Variants in TRIO observed in about 807,000 individuals in gnomAD.
TRIO encodes the protein trio Rho guanine nucleotide exchange factor, also known as triple functional domain protein.
A neutral mutation model predicts 351.9 loss-of-function variants in TRIO; 58 were observed. The observed-to-expected ratio is 0.16, with a 90% CI of 0.13 to 0.21. TRIO has a LOEUF of 0.21. Among genes scored for constraint, TRIO ranks in the 10% least tolerant of loss-of-function variants. TRIO has a pLI of 1.00. For synonymous variants in TRIO, 1,758 were observed against 1,595.7 expected (o/e 1.10, Z -2.42); for missense variants, 3,201 against 4,027.8 (o/e 0.79, Z 5.56).
Position 14,379,258 on chromosome 5 carries a change from T to C in TRIO, c.3447+1131T>C, listed in dbSNP as rs936698870. ...CACGGACCCATTTTCTGAATCCAGC[T>C]TGCAACCTCATATGCAGCTGATCCA... On this transcript the variant is annotated intron_variant, in intron 20 of 56. Coordinates refer to ENST00000344204, the MANE Select transcript of TRIO (RefSeq NM_007118.4). 4.6e-5 allele frequency among the ~76,000 whole-genome samples: 7 copies of C among 152,354 alleles called. No individual in the cohort carries two copies. In the South Asian group the frequency reaches 1.4e-3, roughly 32 times the overall value.
Position 14,497,912 on chromosome 5 carries a change from T to A in TRIO, c.8047+38T>A. On this transcript the variant is annotated intron_variant, in intron 51 of 56. Coordinates refer to ENST00000344204, the MANE Select transcript of TRIO (RefSeq NM_007118.4). The surrounding 1 kb of genome is among the most constrained non-coding windows in gnomAD (Gnocchi z 4.4). ...CTTTTTCTTCTAGTCCTAGAGATGA[T>A]TCTAGACCTGTGGGGCATGTTTCAG... 1 of 1,613,986 alleles carries A rather than the reference T, an allele frequency of 6.2e-7. No homozygotes were observed. The highest frequency in any genetic ancestry group is 2.2e-5 in the East Asian group (1 of 44,886).
At chr5:14,316,813 T>G in intron 9 of TRIO, 70 bp downstream of exon 9, 1 of 1,454,612 alleles carries the variant, frequency 6.9e-7, no homozygotes, top group African/African-American at 1.4e-5. Context: ...TACATCATCA[T>G]ATTGGGAAGA....
At position 14,504,527 on chromosome 5, in the gene TRIO, A is replaced by G; in HGVS notation, c.8546A>G (p.His2849Arg). 1.2e-6 allele frequency: 2 copies of G among 1,613,662 alleles called. No individual in the cohort carries two copies. Among genetic ancestry groups the G allele is most frequent in the Non-Finnish European group, 8.5e-7 (1 of 1,179,918 alleles). Residue 2849 changes from histidine (H) to arginine (R), a missense_variant, in exon 55 of 57, where the codon CAC becomes CGC. This residue lies in a region of TRIO where 1,089 missense variants were observed against 954.9 expected (regional missense o/e 1.14). Transcript: ENST00000344204. ...CTTGGCATCCTGCAGAGCCTCCAGC[A>G]CCCCCTGCTTGTCGGCCTCCTCGAC... ...HELGILQSLQ[H>R]PLLVGLLDTF...
rs146329050 is a variant in TRIO at position 14,366,912 on chromosome 5, C to T, written c.2807C>T (p.Thr936Ile). The T allele has an allele frequency of 6.2e-7, 1 of 1,614,214 alleles. No individual in the cohort carries two copies. The highest frequency in any genetic ancestry group is 1.3e-5 in the African/African-American group (1 of 75,058). ...TCCATGTTAAATGCCGGACTTATCA[C>T]AGCCAGCTCGTTACAAGAGGCAGAG... ...GESMLNAGLI[T>I]ASSLQEAEQL... The change falls in exon 16 of 57, where the codon ACA becomes ATA. Residue 936 changes from threonine (T) to isoleucine (I), a missense_variant. Around this residue, in one of 19 missense-constraint regions of TRIO, gnomAD observed 363 missense variants for 553.5 expected, o/e 0.66. Transcript: ENST00000344204.
At chr5:14,292,118 G>T (rs1272487330) in intron 5 of TRIO, among the ~76,000 whole-genome samples, 4 of 152,332 alleles carry the variant, frequency 2.6e-5, no homozygotes, top group Non-Finnish European at 5.9e-5. Context: ...GGAGCTCATT[G>T]AATTTTATAT....
At position 14,498,503 on chromosome 5, in the gene TRIO, C is replaced by G. The variant is rs768178996; in HGVS notation, c.8211-16C>G. On this transcript the variant is annotated splice_polypyrimidine_tract_variant and intron_variant, in intron 52 of 56. Coordinates refer to ENST00000344204, the MANE Select transcript of TRIO (RefSeq NM_007118.4). ...CAGCTTTTCTGATGCGCAGTGTGTT[C>G]CCATCTGTGCCGCAGTGACCTGGGA... 1 of 1,612,006 alleles carries G rather than the reference C, an allele frequency of 6.2e-7. No individual in the cohort carries two copies. Among genetic ancestry groups the G allele is most frequent in the Admixed American group, 1.7e-5 (1 of 59,928 alleles).
chr5:14,313,006 T>C (rs1312434900), intron 8 of TRIO, among the ~76,000 whole-genome samples: 1 of 152,260 alleles, frequency 6.6e-6, no homozygotes, highest in Non-Finnish European at 1.5e-5. Flanking sequence ...ACTTTTTAAT[T>C]GCCAAATCTA....
chr5:14,199,585 T>G (rs564147541), intron 1 of TRIO, among the ~76,000 whole-genome samples: 1 of 152,246 alleles, frequency 6.6e-6, no homozygotes, highest in Non-Finnish European at 1.5e-5. Flanking sequence ...AGTGGGCTTA[T>G]GGAGAGGATG....
intron 31 of TRIO, among the ~76,000 whole-genome samples, chr5:14,403,973 C>T (rs1463725012): frequency 1.4e-5 from 1 of 69,324 alleles, no homozygotes; most frequent in Admixed American, 1.7e-4. Flanking sequence ...GGTGAGGGTA[C>T]AGGTGGTGAG....
At chr5:14,454,838 T>C (rs999260732) in intron 34 of TRIO, among the ~76,000 whole-genome samples, 2 of 152,210 alleles carry the variant, frequency 1.3e-5, no homozygotes, top group Non-Finnish European at 2.9e-5. Flanking sequence ...TTTTTAAAGA[T>C]GGTGTGTCCG....
At chr5:14,294,287 A>G (rs1737157715) in intron 6 of TRIO, among the ~76,000 whole-genome samples, 1 of 152,212 alleles carries the variant, frequency 6.6e-6, no homozygotes, top group African/African-American at 2.4e-5. Context: ...AGGTGCTACA[A>G]TTTAGGTAGT....
At chr5:14,196,149 G>C (rs1286157775) in intron 1 of TRIO, among the ~76,000 whole-genome samples, 1 of 152,124 alleles carries the variant, frequency 6.6e-6, no homozygotes, top group African/African-American at 2.4e-5. Flanking sequence ...GGCTAGGCAT[G>C]GTGGCTCATG....
intron 9 of TRIO, among the ~76,000 whole-genome samples, chr5:14,318,873 G>A (rs1004165248): frequency 6.6e-6 from 1 of 152,180 alleles, no homozygotes; most frequent in Admixed American, 6.5e-5. Context: ...TTCCCAAGAG[G>A]GGGCCTCATT....
intron 34 of TRIO, among the ~76,000 whole-genome samples, chr5:14,426,781 ACTG>A (rs1410995293): frequency 6.6e-6 from 1 of 152,162 alleles, no homozygotes; most frequent in Non-Finnish European, 1.5e-5. Flanking sequence ...ACATGGCAGA[ACTG>A]CTCAGTGGGA....
chr5:14,357,471 G>C (rs1403562454), intron 11 of TRIO, among the ~76,000 whole-genome samples: 1 of 152,200 alleles, frequency 6.6e-6, no homozygotes, highest in African/African-American at 2.4e-5. Flanking sequence ...CTGGCCCAAA[G>C]TCATTCTTGC....
intron 1 of TRIO, among the ~76,000 whole-genome samples, chr5:14,147,991 TA>T (rs1177761978): frequency 6.6e-6 from 1 of 152,270 alleles, no homozygotes; most frequent in African/African-American, 2.4e-5. Context: ...AGGAGATTTC[TA>T]AAATTCCTGT....
At chr5:14,317,634 C>T (rs354917) in intron 9 of TRIO, among the ~76,000 whole-genome samples, 6,903 of 152,254 alleles carry the variant, frequency 0.045, 553 homozygotes, top group African/African-American at 0.16. Context: ...GACTGAGATT[C>T]TCTGTATGTC....
intron 19 of TRIO, among the ~76,000 whole-genome samples, chr5:14,376,746 A>C: frequency 6.6e-6 from 1 of 152,210 alleles, no homozygotes; most frequent in Admixed American, 6.5e-5. Context: ...TTGTGTAAGC[A>C]CTGTTCATCT....
intron 4 of TRIO, 124 bp downstream of exon 4, chr5:14,287,187 C>T (rs1736517309): frequency 2.2e-6 from 2 of 899,088 alleles, no homozygotes; most frequent in Non-Finnish European, 1.7e-6. Context: ...ATCTTACGAA[C>T]ATGTGATACG....
Sources: gnomAD v4.1 joint callset for allele counts (sites outside exome capture counted in the v4.1 genomes callset) on GRCh38, gnomAD v4.1.1 for gene constraint, gnomAD v4.1.1 regional missense constraint, Gnocchi (gnomAD v3.1) non-coding constraint, MANE v1.5 for transcripts, NCBI Gene and HGNC (gene_info 2026-07-23, HGNC 2026-07-21) for gene names.